ARHGAP29: variants seen among roughly 807,000 people sequenced by gnomAD.
The protein encoded by ARHGAP29 is Rho GTPase activating protein 29, also known as rho GTPase-activating protein 29.
In ARHGAP29, 43 loss-of-function variants were observed where a neutral mutation model predicts 122.6. The observed-to-expected ratio is 0.35, with a 90% CI of 0.27 to 0.45. The LOEUF (loss-of-function observed/expected upper bound fraction) is 0.45, where lower values mean the gene tolerates loss of function less well. Ranked by LOEUF, ARHGAP29 falls within the 20% of genes least tolerant of loss-of-function variation. The probability of loss-of-function intolerance (pLI) is 1.00; values close to 1 mark genes in which losing one functional copy is unlikely to be tolerated. For missense variants in ARHGAP29, 1,303 were observed against 1,477.2 expected, an observed-to-expected ratio of 0.88 and a Z score of 1.93; for synonymous variants, 506 against 497.1, an observed-to-expected ratio of 1.02 and a Z score of -0.24.
chr1:94,273,156 G>T (rs1655055759), intron 1 of ARHGAP29, among the ~76,000 whole-genome samples: 1 of 152,168 alleles, frequency 6.6e-6, no homozygotes, highest in Non-Finnish European at 1.5e-5. Flanking sequence ...GTCAATTCCT[G>T]TAAGACAGTC....
Position 94,203,639 on chromosome 1 carries a change from T to C in ARHGAP29, c.762+291A>G, listed in dbSNP as rs986141084. On this transcript the variant is annotated intron_variant, in intron 8 of 22. Transcript: ENST00000260526. Reference sequence around the variant, plus strand: ...GTCCCAGGTCATCAGGAGGCTGCGGTGGGAGGATCGCTTGAGCCTCGGGGG... The same window carrying C: ...GTCCCAGGTCATCAGGAGGCTGCGGCGGGAGGATCGCTTGAGCCTCGGGGG... Among the ~76,000 whole-genome samples, 6 of 152,068 alleles carry C rather than the reference T, an allele frequency of 3.9e-5. No homozygotes were observed. In the East Asian group the frequency reaches 9.7e-4, roughly 25 times the overall value.
chr1:94,232,302 G>A (rs774780266), intron 1 of ARHGAP29, among the ~76,000 whole-genome samples: 4 of 151,996 alleles, frequency 2.6e-5, no homozygotes, highest in African/African-American at 7.2e-5. Flanking sequence ...CAGAAGTGTC[G>A]AGAACATAGA....
chr1:94,196,256 CTTT>C (rs917635883), intron 12 of ARHGAP29, among the ~76,000 whole-genome samples: 2 of 91,144 alleles, frequency 2.2e-5, no homozygotes, highest in African/African-American at 4.4e-5. Context: ...CCGTGTTTTT[CTTT>C]TTTTTTTTTT....
At chr1:94,218,965 C>T (rs922880306) in intron 3 of ARHGAP29, among the ~76,000 whole-genome samples, 2 of 152,154 alleles carry the variant, frequency 1.3e-5, no homozygotes, top group Non-Finnish European at 2.9e-5. Context: ...ACAGCCCCAT[C>T]CCCACCAAGT....
At chr1:94,282,149 T>C in the ARHGAP29 span, among the ~76,000 whole-genome samples, 1 of 152,054 alleles carries the variant, frequency 6.6e-6, no homozygotes, top group South Asian at 2.1e-4. Flanking sequence ...AATCTGATCT[T>C]GTAAGTCTGG....
intron 20 of ARHGAP29, 21 bp downstream of exon 20, chr1:94,179,704 C>G: frequency 2.1e-6 from 3 of 1,451,694 alleles, no homozygotes; most frequent in Non-Finnish European, 2.8e-6. Flanking sequence ...AATAAATGTT[C>G]TAGTTATATA....
In ARHGAP29 at chr1:94,192,789, T is replaced by C. The variant is rs1356130593; in HGVS notation, c.1282-2706A>G. ...TCACGCAGAAGCTGGAAAATGAACCTAACTGTATCAAATGGCTGCTAAAAT... is the reference window on the plus strand; with the variant it reads ...TCACGCAGAAGCTGGAAAATGAACCCAACTGTATCAAATGGCTGCTAAAAT... On this transcript the variant is annotated intron_variant, in intron 12 of 22. Coordinates refer to ENST00000260526, the MANE Select transcript of ARHGAP29 (RefSeq NM_004815.4). The C allele has an allele frequency of 1.3e-5, 2 of 151,960 alleles. 1 individual carries two copies. The highest frequency in any genetic ancestry group is 2.9e-5 in the Non-Finnish European group (2 of 68,032). The allele number at this position is 151,960 out of a possible 1,614,324, so 9.4% of individuals were successfully genotyped here.
At chr1:94,288,275 G>A in the ARHGAP29 span, among the ~76,000 whole-genome samples, 1 of 152,250 alleles carries the variant, frequency 6.6e-6, no homozygotes, top group Admixed American at 6.5e-5. Flanking sequence ...TCATATGTAT[G>A]TTGGCTGCAT....
At chr1:94,270,810 T>C (rs981288712) in intron 1 of ARHGAP29, among the ~76,000 whole-genome samples, 2 of 152,166 alleles carry the variant, frequency 1.3e-5, no homozygotes, top group African/African-American at 4.8e-5. Context: ...AAGTAAATTT[T>C]CCCAATGGGC....
At chr1:94,283,377 T>C in the ARHGAP29 span, among the ~76,000 whole-genome samples, 2 of 152,186 alleles carry the variant, frequency 1.3e-5, no homozygotes, top group Non-Finnish European at 2.9e-5. Flanking sequence ...TGGAAGGTGC[T>C]ACCCTTGTGA....
At chr1:94,284,167 A>G in the ARHGAP29 span, among the ~76,000 whole-genome samples, 1 of 151,928 alleles carries the variant, frequency 6.6e-6, no homozygotes, top group Non-Finnish European at 1.5e-5. Context: ...AAAAATTCAA[A>G]GGAAGGGAGA....
intron 1 of ARHGAP29, among the ~76,000 whole-genome samples, chr1:94,274,041 T>C (rs1655094436): frequency 6.6e-6 from 1 of 152,112 alleles, no homozygotes; most frequent in African/African-American, 2.4e-5. Flanking sequence ...TAAGACAGGG[T>C]GTCATTATTA....
At chr1:94,217,850 TAAAA>T (rs1038902427) in intron 3 of ARHGAP29, among the ~76,000 whole-genome samples, 1 of 8,974 alleles carries the variant, frequency 1.1e-4, no homozygotes, top group African/African-American at 1.6e-4. Context: ...CCCTATCTCT[TAAAA>T]AAAAACAAAA....
intron 1 of ARHGAP29, among the ~76,000 whole-genome samples, chr1:94,263,853 A>G (rs755594650): frequency 4.6e-5 from 7 of 152,194 alleles, no homozygotes; most frequent in Non-Finnish European, 8.8e-5. Flanking sequence ...ATGCCATTCA[A>G]GAGCATGATT....
At chr1:94,298,358 C>G in the ARHGAP29 span, among the ~76,000 whole-genome samples, 7 of 152,144 alleles carry the variant, frequency 4.6e-5, no homozygotes, top group Non-Finnish European at 7.3e-5. Flanking sequence ...TACGGTCTTT[C>G]TATAGAGATT....
At chr1:94,299,216 A>G in the ARHGAP29 span, among the ~76,000 whole-genome samples, 1 of 152,230 alleles carries the variant, frequency 6.6e-6, no homozygotes, top group Non-Finnish European at 1.5e-5. Context: ...TCAGTAAAAG[A>G]TAAAATGACT....
chr1:94,232,450 A>G (rs1400398607), intron 1 of ARHGAP29, among the ~76,000 whole-genome samples: 3 of 152,174 alleles, frequency 2.0e-5, no homozygotes, highest in African/African-American at 7.2e-5. Context: ...GTGCCCACTA[A>G]TCTGACATAC....
chr1:94,204,042 C>T (rs1266233002), intron 7 of ARHGAP29, 48 bp from the exon 8 acceptor site: 1 of 1,471,188 alleles, frequency 6.8e-7, no homozygotes, highest in South Asian at 1.2e-5. Flanking sequence ...ATTTATTTTT[C>T]CCCCTGTATA....
intron 2 of ARHGAP29, among the ~76,000 whole-genome samples, chr1:94,229,386 C>T (rs1282085176): frequency 6.6e-6 from 1 of 151,612 alleles, no homozygotes; most frequent in African/African-American, 2.4e-5. Context: ...TAAAAACAAG[C>T]ACAATATTAT....
Sources: gnomAD v4.1 joint callset for allele counts (sites outside exome capture counted in the v4.1 genomes callset) on GRCh38, gnomAD v4.1.1 for gene constraint, MANE v1.5 for transcripts, NCBI Gene and HGNC (gene_info 2026-07-23, HGNC 2026-07-21) for gene names.